The following FNDC7 variants were observed in gnomAD, a reference collection of about 807,000 sequenced individuals.
FNDC7 encodes fibronectin type III domain containing 7.
FNDC7 carries 66 observed loss-of-function variants against 74.2 expected under a neutral mutation model. That is an observed-to-expected ratio of 0.89 (90% CI 0.73 to 1.09). The LOEUF (loss-of-function observed/expected upper bound fraction) is 1.09, where lower values mean the gene tolerates loss of function less well. FNDC7 is among the 50% of genes least tolerant of loss of function. FNDC7 has a pLI of 0.00. For missense variants in FNDC7, 829 were observed against 893.4 expected, an observed-to-expected ratio of 0.93 and a Z score of 0.92; for synonymous variants, 307 against 330.2, an observed-to-expected ratio of 0.93 and a Z score of 0.76.
At chr1:108,714,143 C>G (rs1660926508) in intron 2 of FNDC7, among the ~76,000 whole-genome samples, 1 of 152,194 alleles carries the variant, frequency 6.6e-6, no homozygotes, top group South Asian at 2.1e-4. Context: ...ATCTAAGTAC[C>G]TGGAATGGAA....
chr1:108,735,028 T>C (rs1237923067), intron 10 of FNDC7, among the ~76,000 whole-genome samples: 1 of 152,106 alleles, frequency 6.6e-6, no homozygotes, highest in Admixed American at 6.5e-5. Flanking sequence ...CACCTGGAGG[T>C]GCCCAGGCAT....
Position 108,728,613 on chromosome 1 carries a change from A to G in FNDC7, c.1370-19A>G, listed in dbSNP as rs745815284. ...TTTTTGACTCATGCTGGTTCAATTA[A>G]TACTCTAAAATGTCTTAGCTCCTTG... On this transcript the variant is annotated intron_variant, in intron 7 of 12. Transcript: ENST00000370017. The G allele has an allele frequency of 4.3e-6, 7 of 1,612,954 alleles. No homozygotes were observed. The highest frequency in any genetic ancestry group is 1.6e-4 in the Middle Eastern group (1 of 6,078).
intron 1 of FNDC7, 43 bp from the exon 2 acceptor site, chr1:108,713,468 T>C: frequency 2.6e-6 from 4 of 1,531,228 alleles, no homozygotes; most frequent in African/African-American, 1.4e-5. Flanking sequence ...GTTCAAGTTG[T>C]GTTTTTCTGT....
intron 2 of FNDC7, 90 bp from the exon 3 acceptor site, chr1:108,717,687 T>C: frequency 7.4e-7 from 1 of 1,351,864 alleles, no homozygotes; most frequent in Non-Finnish European, 1.0e-6. Context: ...AAGGAAGGCA[T>C]GAGAATGATT....
chr1:108,733,581 C>T, intron 10 of FNDC7, 49 bp downstream of exon 10: 1 of 1,562,516 alleles, frequency 6.4e-7, no homozygotes, highest in South Asian at 1.1e-5. Flanking sequence ...GAACTCATAT[C>T]TGTGAATTAA....
intron 9 of FNDC7, among the ~76,000 whole-genome samples, chr1:108,731,663 A>C (rs1661359055): frequency 6.6e-6 from 1 of 152,260 alleles, no homozygotes; most frequent in Non-Finnish European, 1.5e-5. Flanking sequence ...AGTCAAAATT[A>C]GACATGGATT....
At position 108,715,667 on chromosome 1, in the gene FNDC7, G is replaced by A. The variant is rs780127391; in HGVS notation, c.83-2110G>A. ...TACACAAACATGCGCGTGCGTGCGC[G>A]CGCGCACACACACACACACACACAC... On this transcript the variant is annotated intron_variant, in intron 2 of 12. Transcript: ENST00000370017. 6.0e-3 allele frequency among the ~76,000 whole-genome samples: 674 copies of A among 111,812 alleles called. 1 individual carries two copies. Among genetic ancestry groups the A allele is most frequent in the Non-Finnish European group, 9.1e-3 (442 of 48,532 alleles). The allele number at this position is 111,812 out of a possible 152,430, so 73.4% of individuals were successfully genotyped here. A position where few individuals can be genotyped will look rare whatever the true frequency, so the allele number is the denominator to read the frequency against.
At chr1:108,741,382 T>C (rs1307892711) in intron 11 of FNDC7, among the ~76,000 whole-genome samples, 1 of 152,152 alleles carries the variant, frequency 6.6e-6, no homozygotes, top group East Asian at 1.9e-4. Context: ...GGAAGCTTCC[T>C]CTCTGTGACA....
At position 108,721,357 on chromosome 1, in the gene FNDC7, TACTCAGGAG is replaced by T. The variant is rs1373204096; in HGVS notation, c.599-977_599-969del. On this transcript the variant is annotated intron_variant, in intron 4 of 12. Transcript: ENST00000370017. ...GGTGCCGGGCGCCTGTAGTCCCAGC[TACTCAGGAG>T]GCTGAGGCAGGAGAATGGCATGAAC... Among the ~76,000 whole-genome samples the T allele has an allele frequency of 2.6e-5, 4 of 152,062 alleles. No homozygotes were observed. The East Asian group carries it at 7.7e-4, about 29-fold the overall frequency.
chr1:108,728,678 CATGATTA>C lies in FNDC7; in HGVS notation c.1420_1426del (p.Ile474CysfsTer14), dbSNP rs1292860131. 1.2e-6 allele frequency: 2 copies of C among 1,614,146 alleles called. No individual in the cohort carries two copies. The highest frequency in any genetic ancestry group is 4.5e-5 in the East Asian group (2 of 44,902). On this transcript the variant is annotated frameshift_variant, in exon 8 of 13. Transcript: ENST00000370017. LOFTEE classifies it high-confidence loss of function. ...AAAATGTTTCAAGGGATGCATTCTCCATGATTAATGTGCACTGGCGATCCACTAATGA... is the reference window on the plus strand; with the variant it reads ...AAAATGTTTCAAGGGATGCATTCTCCATGTGCACTGGCGATCCACTAATGA...
chr1:108,728,604 G>T (rs370050291), intron 7 of FNDC7, 28 bp from the exon 8 acceptor site: 1 of 1,610,956 alleles, frequency 6.2e-7, no homozygotes, highest in African/African-American at 1.3e-5. Context: ...ACTCATGCTG[G>T]TTCAATTAAT....
chr1:108,725,404 A>T (rs1439216206), intron 5 of FNDC7, among the ~76,000 whole-genome samples: 1 of 152,248 alleles, frequency 6.6e-6, no homozygotes, highest in Admixed American at 6.5e-5. Flanking sequence ...TCTCTGGATG[A>T]AGTCAAATAT....
intron 9 of FNDC7, among the ~76,000 whole-genome samples, chr1:108,732,610 T>G (rs1661414646): frequency 6.6e-6 from 1 of 152,214 alleles, no homozygotes; most frequent in Admixed American, 6.5e-5. Context: ...AATATGTATC[T>G]GCCAATTTTT....
In FNDC7 at chr1:108,725,880, C is replaced by CT; in HGVS notation, c.988dup (p.Cys330LeufsTer13). The CT allele has an allele frequency of 6.2e-7, 1 of 1,614,152 alleles. No individual in the cohort carries two copies. Among genetic ancestry groups the CT allele is most frequent in the South Asian group, 1.1e-5 (1 of 91,080 alleles). ...AGAGTGATGATGGCTTGGAAGTACA[C>CT]TGCAACACATCTCTCACTCAGTGCA... On this transcript the variant is annotated frameshift_variant, in exon 6 of 13. Transcript: ENST00000370017. LOFTEE classifies it high-confidence loss of function.
rs1425751861 is a variant in FNDC7, at chr1:108,713,507, T to A, written c.64-4T>A. The A allele has an allele frequency of 6.5e-7, 1 of 1,549,692 alleles. No homozygotes were observed. The highest frequency in any genetic ancestry group is 2.0e-5 in the Admixed American group (1 of 50,590). The stretch of plus-strand genomic sequence containing the variant: ...GTTCTAATTTTCCAAACTTTCCTTT[T>A]CAGGTTGCTTCAGCAAAATCAGGTA... On this transcript the variant is annotated splice_region_variant and splice_polypyrimidine_tract_variant and intron_variant, in intron 1 of 12. Coordinates refer to ENST00000370017, the MANE Select transcript of FNDC7 (RefSeq NM_001144937.3).
At chr1:108,713,687 T>C (rs986527553) in intron 2 of FNDC7, among the ~76,000 whole-genome samples, 158 bp downstream of exon 2, 8 of 152,238 alleles carry the variant, frequency 5.3e-5, no homozygotes, top group Non-Finnish European at 7.3e-5. Flanking sequence ...TATTGGGTCC[T>C]GGGGAGACAA....
intron 4 of FNDC7, among the ~76,000 whole-genome samples, chr1:108,722,087 A>G (rs1327839923): frequency 6.6e-6 from 1 of 152,202 alleles, no homozygotes; most frequent in Non-Finnish European, 1.5e-5. Flanking sequence ...TAGATATAAG[A>G]AAAAAATAAA....
chr1:108,730,874 G>A lies in FNDC7; in HGVS notation c.1825G>A (p.Ala609Thr). The A allele has an allele frequency of 6.2e-7, 1 of 1,613,914 alleles. No individual in the cohort carries two copies. The highest frequency in any genetic ancestry group is 8.5e-7 in the Non-Finnish European group (1 of 1,179,878). Reference sequence around the variant, plus strand: ...CATCAATTACACAGTGACATTAAAAGCAATTAGTGCCACCGGGTTGACTGC... The same window carrying A: ...CATCAATTACACAGTGACATTAAAAACAATTAGTGCCACCGGGTTGACTGC... ...CGINYTVTLK[A>T]ISATGLTADC... Residue 609 changes from alanine (A) to threonine (T), a missense_variant, in exon 9 of 13, where the codon GCA becomes ACA. Physicochemically the swap from Ala to Thr is moderately conservative, Grantham distance 58 (BLOSUM62 0). Transcript: ENST00000370017.
rs1661029767 is a variant in FNDC7 at position 108,718,773 on chromosome 1, G to A, written c.338-16G>A. 1 of 1,549,104 alleles carries A rather than the reference G, an allele frequency of 6.5e-7. No individual in the cohort carries two copies. The highest frequency in any genetic ancestry group is 2.4e-5 in the East Asian group (1 of 40,880). ...GGACTTTGGTAACACAAATGCATGT[G>A]TTTTTATTTTTTTAGTGTTGGCTGC... is the stretch of plus-strand genomic sequence containing the variant. On this transcript the variant is annotated splice_polypyrimidine_tract_variant and intron_variant, in intron 3 of 12. Coordinates refer to ENST00000370017, the MANE Select transcript of FNDC7 (RefSeq NM_001144937.3).
Sources: allele counts gnomAD v4.1 joint callset (sites outside exome capture counted in the v4.1 genomes callset), GRCh38; gene constraint gnomAD v4.1.1; transcripts MANE v1.5; gene names NCBI Gene and HGNC (gene_info 2026-07-23, HGNC 2026-07-21).